Variants in LRRC37A observed in about 807,000 individuals in gnomAD.
LRRC37A encodes leucine rich repeat containing 37A, also known as leucine-rich repeat-containing protein 37A.
Under a neutral mutation model 35.4 loss-of-function variants are expected in LRRC37A, and 3 were observed. That is an observed-to-expected ratio of 0.08 (90% CI 0.04 to 0.22). The LOEUF is 0.22. Ranked by LOEUF, LRRC37A falls within the 10% of genes least tolerant of loss-of-function variation. The pLI, the probability that LRRC37A is intolerant of heterozygous loss-of-function variation, is 1.00. For missense variants in LRRC37A, 67 were observed against 565.3 expected, an observed-to-expected ratio of 0.12 and a Z score of 8.94; for synonymous variants, 23 against 215.0, an observed-to-expected ratio of 0.11 and a Z score of 7.81.
the LRRC37A span, among the ~76,000 whole-genome samples, chr17:46,279,032 A>G: frequency 6.6e-6 from 1 of 152,072 alleles, no homozygotes; most frequent in South Asian, 2.1e-4. Flanking sequence ...TCCTGATCTC[A>G]GGTGATCCAC....
At chr17:46,265,264 CT>C in the LRRC37A span, among the ~76,000 whole-genome samples, 12 of 29,610 alleles carry the variant, frequency 4.1e-4, no homozygotes, top group Non-Finnish European at 9.7e-4. Context: ...TCTTCTTCTT[CT>C]TCTTCTTCTT....
chr17:46,282,837 G>A, the LRRC37A span, among the ~76,000 whole-genome samples: 1 of 152,204 alleles, frequency 6.6e-6, no homozygotes, highest in Non-Finnish European at 1.5e-5. Context: ...TCACTGTGGG[G>A]GCTGGGCGCG....
intron 5 of LRRC37A, among the ~76,000 whole-genome samples, chr17:46,317,174 C>A (rs1159440834): frequency 1.1e-5 from 1 of 87,704 alleles, no homozygotes. Context: ...CTCCTCACAT[C>A]CCAGACGGGC....
At chr17:46,262,783 C>G in the LRRC37A span, among the ~76,000 whole-genome samples, 1 of 136,936 alleles carries the variant, frequency 7.3e-6, no homozygotes, top group Non-Finnish European at 1.5e-5. Context: ...AAAACTCGGT[C>G]TTGGAAAAAA....
chr17:46,285,966 A>T, the LRRC37A span, among the ~76,000 whole-genome samples: 1 of 152,256 alleles, frequency 6.6e-6, no homozygotes, highest in African/African-American at 2.4e-5. Context: ...GAGCACTGTC[A>T]TGACATCCTC....
chr17:46,311,330 A>AGTGGGTGAGG lies in LRRC37A; in HGVS notation c.2906+5024_2906+5033dup, dbSNP rs2050788053. 6.1e-6 allele frequency: 2 copies of AGTGGGTGAGG among 328,138 alleles called. 1 individual carries two copies. Among genetic ancestry groups the AGTGGGTGAGG allele is most frequent in the African/African-American group, 4.7e-5 (2 of 42,600 alleles). The allele number at this position is 328,138 out of a possible 1,614,324, so 20.3% of individuals were successfully genotyped here. On this transcript the variant is annotated intron_variant, in intron 5 of 13. Transcript: ENST00000320254. ...CTTTCTCCCCAAGTACATCGCGCAT[A>AGTGGGTGAGG]GTGGGTGAGGGTCTAGGTCATCTGC... is the stretch of plus-strand genomic sequence containing the variant.
chr17:46,249,704 G>A, the LRRC37A span, among the ~76,000 whole-genome samples: 22,047 of 151,776 alleles, frequency 0.15, 2,216 homozygotes, highest in Non-Finnish European at 0.22. Context: ...GTAGGACCAG[G>A]TTTGGGAACC....
upstream of LRRC37A, among the ~76,000 whole-genome samples, chr17:46,290,739 G>A (rs1365681664): frequency 3.3e-5 from 5 of 152,180 alleles, no homozygotes; most frequent in Non-Finnish European, 7.3e-5. Context: ...GAGCCATTGC[G>A]CCCAGCCTCT....
At chr17:46,259,379 G>T in the LRRC37A span, among the ~76,000 whole-genome samples, 1 of 152,310 alleles carries the variant, frequency 6.6e-6, no homozygotes, top group Non-Finnish European at 1.5e-5. Context: ...CCAAACCTAA[G>T]CTGCCCCCAG....
chr17:46,261,446 C>A, the LRRC37A span, among the ~76,000 whole-genome samples: 2 of 152,094 alleles, frequency 1.3e-5, no homozygotes, highest in African/African-American at 4.8e-5. Context: ...GAGTCTTGCT[C>A]TGTTGCCCAG....
the LRRC37A span, among the ~76,000 whole-genome samples, chr17:46,273,153 A>G: frequency 6.6e-6 from 1 of 152,268 alleles, no homozygotes; most frequent in Non-Finnish European, 1.5e-5. Context: ...ATATATATGA[A>G]TAAATAGTGC....
chr17:46,256,031 TG>T, the LRRC37A span, among the ~76,000 whole-genome samples: 2 of 152,010 alleles, frequency 1.3e-5, no homozygotes, highest in Non-Finnish European at 2.9e-5. Context: ...TATTAGAAGG[TG>T]GGGCCTTTGG....
chr17:46,263,802 C>T, the LRRC37A span, among the ~76,000 whole-genome samples: 9 of 147,632 alleles, frequency 6.1e-5, no homozygotes, highest in South Asian at 2.1e-4. Context: ...TGCAGTGAGC[C>T]GAGATTGTGC....
upstream of LRRC37A, among the ~76,000 whole-genome samples, chr17:46,292,410 G>A (rs1222665052): frequency 1.0e-4 from 8 of 80,032 alleles, 2 homozygotes; most frequent in African/African-American, 2.5e-4. Context: ...TTCAAAACAA[G>A]CAGCAGAATT....
At chr17:46,262,717 G>A in the LRRC37A span, among the ~76,000 whole-genome samples, 3 of 151,824 alleles carry the variant, frequency 2.0e-5, no homozygotes, top group African/African-American at 4.8e-5. Context: ...ACCGGGAGGC[G>A]GAGGTTGCGG....
At chr17:46,332,814 T>C (rs2052061815) in intron 10 of LRRC37A, 158 bp downstream of exon 10, 2 of 361,938 alleles carry the variant, frequency 5.5e-6, no homozygotes, top group Non-Finnish European at 1.1e-5. Context: ...GTTCTTTTAT[T>C]GCAGTGTATA....
the LRRC37A span, among the ~76,000 whole-genome samples, chr17:46,265,063 C>T: frequency 6.6e-6 from 1 of 152,240 alleles, no homozygotes; most frequent in African/African-American, 2.4e-5. Flanking sequence ...CTGGGCCTGT[C>T]TAGTCTGGAG....
chr17:46,277,136 C>T, the LRRC37A span, among the ~76,000 whole-genome samples: 78 of 152,270 alleles, frequency 5.1e-4, no homozygotes, highest in African/African-American at 2.4e-5. Flanking sequence ...ATTGAGCAAA[C>T]GTCTCCATTC....
rs2051696101 is a variant in LRRC37A at position 46,325,700 on chromosome 17, T to C, written c.3053+2673T>C. Among the ~76,000 whole-genome samples, 2 of 80,274 alleles carry C rather than the reference T, an allele frequency of 2.5e-5. 1 individual carries two copies. Among genetic ancestry groups the C allele is most frequent in the African/African-American group, 6.3e-5 (2 of 31,602 alleles). 52.7% of individuals were successfully genotyped at this position (80,274 alleles called of 152,430 possible). A position where few individuals can be genotyped will look rare whatever the true frequency, so the allele number is the denominator to read the frequency against. ...CCATTGAGTGATGATAGTCCTCTGG[T>C]TATGTCGGAGAATGCCTTGGTTCTT... On this transcript the variant is annotated intron_variant, in intron 7 of 13. Transcript: ENST00000320254.
Sources: gnomAD v4.1 joint callset for allele counts (sites outside exome capture counted in the v4.1 genomes callset) on GRCh38, gnomAD v4.1.1 for gene constraint, MANE v1.5 for transcripts, NCBI Gene and HGNC (gene_info 2026-07-23, HGNC 2026-07-21) for gene names.